SLC17A8: variants seen among roughly 807,000 people sequenced by gnomAD.
SLC17A8 encodes the protein solute carrier family 17 member 8, also known as vesicular glutamate transporter 3.
In SLC17A8, 31 loss-of-function variants were observed where a neutral mutation model predicts 58.0. The ratio of observed to expected loss-of-function variants is 0.53; its 90% CI spans 0.40 to 0.72. The LOEUF is 0.72. Among genes scored for constraint, SLC17A8 ranks in the 30% least tolerant of loss-of-function variants. SLC17A8 has a pLI of 0.00. For synonymous variants in SLC17A8, 228 were observed against 249.0 expected, an observed-to-expected ratio of 0.92 and a Z score of 0.79; for missense variants, 655 against 727.8, an observed-to-expected ratio of 0.90 and a Z score of 1.15.
Position 100,357,145 on chromosome 12 carries a change from A to C in SLC17A8, c.-247A>C, listed in dbSNP as rs1352773319. ...GCGTGCAGCTTTTGCAAGGGACTGA[A>C]TTCCCAGCCAGACACCCCTTGGACT... On this transcript the variant is annotated 5_prime_UTR_variant, in exon 1 of 12. Coordinates refer to ENST00000323346, the MANE Select transcript of SLC17A8 (RefSeq NM_139319.3). 2.2e-6 allele frequency: 1 copy of C among 454,020 alleles called. No individual in the cohort carries two copies. The highest frequency in any genetic ancestry group is 2.0e-5 in the African/African-American group (1 of 50,050). The allele number at this position is 454,020 out of a possible 1,614,324, so 28.1% of individuals were successfully genotyped here.
At chr12:100,403,460 C>T (rs112199196) in intron 8 of SLC17A8, among the ~76,000 whole-genome samples, 1 of 149,812 alleles carries the variant, frequency 6.7e-6, no homozygotes, top group Non-Finnish European at 1.5e-5. Context: ...CAGAGCAAGA[C>T]TCTGTCTAAA....
chr12:100,417,259 G>A (rs1566406159), intron 10 of SLC17A8, among the ~76,000 whole-genome samples: 1 of 152,174 alleles, frequency 6.6e-6, no homozygotes, highest in Non-Finnish European at 1.5e-5. Flanking sequence ...ACTTTGCAAT[G>A]GCAGCAGAAG....
Position 100,380,872 on chromosome 12 carries a change from G to A in SLC17A8, c.273G>A (p.Gly91=), listed in dbSNP as rs1952631226. The A allele has an allele frequency of 1.2e-6, 2 of 1,613,994 alleles. No individual in the cohort carries two copies. The highest frequency in any genetic ancestry group is 1.7e-6 in the Non-Finnish European group (2 of 1,180,034). ...MSGLGFCISF[G]IRCNLGVAIV... is the part of the protein sequence containing the mutation. ...GGCTGGGATTCTGCATTTCCTTTGG[G>A]ATCCGGTGCAATCTTGGAGTTGCCA... The change falls in exon 2 of 12, where the codon GGG becomes GGA. Residue 91 remains glycine (G), a synonymous_variant. Coordinates refer to ENST00000323346, the MANE Select transcript of SLC17A8 (RefSeq NM_139319.3).
chr12:100,418,491 A>G (rs1952923314), intron 11 of SLC17A8, among the ~76,000 whole-genome samples: 1 of 152,214 alleles, frequency 6.6e-6, no homozygotes, highest in South Asian at 2.1e-4. Context: ...TTGTTTTCTC[A>G]TTCTCAGTGA....
rs143749196 is a variant in SLC17A8, at chr12:100,364,870, C to T, written c.101+7378C>T. Among the ~76,000 whole-genome samples, 1,189 of 152,378 alleles carry T rather than the reference C, an allele frequency of 7.8e-3. 11 individuals are homozygous for T. The highest frequency in any genetic ancestry group is 0.017 in the Middle Eastern group (5 of 294). ...GCCTATTGGGAGGCTTTCCCCCTCA[C>T]TGTCCTTCAGGGCCATCCCTGGGTG... is the stretch of plus-strand genomic sequence containing the variant. On this transcript the variant is annotated intron_variant, in intron 1 of 11. Transcript: ENST00000323346.
chr12:100,377,552 T>A (rs1952602666), intron 1 of SLC17A8, among the ~76,000 whole-genome samples: 1 of 147,046 alleles, frequency 6.8e-6, no homozygotes, highest in Non-Finnish European at 1.5e-5. Flanking sequence ...AAGTGAGGCA[T>A]CCAAGATGGC....
intron 2 of SLC17A8, among the ~76,000 whole-genome samples, chr12:100,386,523 C>T (rs1175250643): frequency 6.6e-6 from 1 of 152,064 alleles, no homozygotes; most frequent in Non-Finnish European, 1.5e-5. Context: ...ATGAATTTGA[C>T]TATTTTAGGT....
chr12:100,412,643 A>G (rs1952877758), intron 9 of SLC17A8, 127 bp from the exon 10 acceptor site: 1 of 692,956 alleles, frequency 1.4e-6, no homozygotes, highest in East Asian at 2.7e-5. Flanking sequence ...TAAAAAAAAA[A>G]CATAGACACA....
In SLC17A8 at chr12:100,386,525, A is replaced by G. The variant is rs148313129; in HGVS notation, c.355-4476A>G. ...ACTCTTCAAGTCTATGAATTTGACT[A>G]TTTTAGGTATGTCATGTAGGTGGAA... On this transcript the variant is annotated intron_variant, in intron 2 of 11. Transcript: ENST00000323346. 6.6e-4 allele frequency among the ~76,000 whole-genome samples: 100 copies of G among 152,084 alleles called. 1 individual carries two copies. The highest frequency in any genetic ancestry group is 2.4e-3 in the African/African-American group (98 of 41,490).
chr12:100,414,223 A>G (rs940714802), intron 10 of SLC17A8, among the ~76,000 whole-genome samples: 2 of 152,176 alleles, frequency 1.3e-5, no homozygotes, highest in Admixed American at 1.3e-4. Flanking sequence ...CCATTATTCC[A>G]GGTTGCCTTA....
intron 1 of SLC17A8, among the ~76,000 whole-genome samples, chr12:100,373,908 T>C (rs991471485): frequency 6.6e-6 from 1 of 152,126 alleles, no homozygotes; most frequent in Non-Finnish European, 1.5e-5. Context: ...GGCTATTTAC[T>C]TAGCACCTAT....
intron 9 of SLC17A8, among the ~76,000 whole-genome samples, chr12:100,408,575 AT>A (rs1327953987): frequency 6.6e-6 from 1 of 152,168 alleles, no homozygotes; most frequent in African/African-American, 2.4e-5. Flanking sequence ...TGTCTCTAGT[AT>A]TTTAACTGTC....
chr12:100,402,324 T>C lies in SLC17A8; in HGVS notation c.764-16T>C, dbSNP rs1402493287. The stretch of plus-strand genomic sequence containing the variant: ...AATGAGACCATATAACCCAGCCTTT[T>C]CTTTTTTAACTGCAGGCATGTTTGG... On this transcript the variant is annotated splice_polypyrimidine_tract_variant and intron_variant, in intron 6 of 11. Coordinates refer to ENST00000323346, the MANE Select transcript of SLC17A8 (RefSeq NM_139319.3). The C allele has an allele frequency of 6.2e-7, 1 of 1,613,978 alleles. No individual in the cohort carries two copies. Among genetic ancestry groups the C allele is most frequent in the South Asian group, 1.1e-5 (1 of 91,070 alleles).
intron 9 of SLC17A8, among the ~76,000 whole-genome samples, chr12:100,410,108 C>T (rs976051946): frequency 1.3e-5 from 2 of 152,306 alleles, no homozygotes; most frequent in African/African-American, 2.4e-5. Flanking sequence ...GCCTGTAATC[C>T]CAGCACTTTG....
At chr12:100,402,004 G>T in intron 6 of SLC17A8, 141 bp downstream of exon 6, 1 of 742,324 alleles carries the variant, frequency 1.3e-6, no homozygotes, top group South Asian at 1.5e-5. Context: ...CTTTATCTAT[G>T]ATTTGATTAA....
chr12:100,402,828 A>G, intron 8 of SLC17A8, 83 bp downstream of exon 8: 1 of 1,377,934 alleles, frequency 7.3e-7, no homozygotes, highest in Non-Finnish European at 1.0e-6. Flanking sequence ...TAAAATAATT[A>G]AATTGCTGAT....
intron 10 of SLC17A8, among the ~76,000 whole-genome samples, chr12:100,415,972 T>C (rs972372786): frequency 6.6e-6 from 1 of 152,114 alleles, no homozygotes; most frequent in Non-Finnish European, 1.5e-5. Context: ...GGAATAAACA[T>C]AGATGTCAGG....
chr12:100,380,206 C>CAAA (rs10691046), intron 1 of SLC17A8, among the ~76,000 whole-genome samples: 2,387 of 120,058 alleles, frequency 0.02, 93 homozygotes, highest in African/African-American at 0.049. Context: ...AACTCCGTCT[C>CAAA]AAAAAAAAAA....
At chr12:100,377,585 A>ATATATATAT (rs1366447682) in intron 1 of SLC17A8, among the ~76,000 whole-genome samples, 7 of 84,038 alleles carry the variant, frequency 8.3e-5, no homozygotes, top group African/African-American at 3.4e-4. Flanking sequence ...ATATATATAT[A>ATATATATAT]TTTTTTTTTT....
Sources: gnomAD v4.1 joint callset for allele counts (sites outside exome capture counted in the v4.1 genomes callset) on GRCh38, gnomAD v4.1.1 for gene constraint, MANE v1.5 for transcripts, NCBI Gene and HGNC (gene_info 2026-07-23, HGNC 2026-07-21) for gene names.